Variants in FADS6 observed in about 807,000 individuals in gnomAD.
FADS6 encodes the protein fatty acid desaturase domain family, member 6.
In FADS6, 28 loss-of-function variants were observed where a neutral mutation model predicts 31.7. That is an observed-to-expected ratio of 0.88 (90% CI 0.66 to 1.21). FADS6 has a LOEUF of 1.21. Ranked by LOEUF, FADS6 falls within the 50% of genes most tolerant of loss-of-function variation. The pLI is 0.00. For synonymous variants in FADS6, 191 were observed against 213.1 expected (o/e 0.90, Z 0.90); for missense variants, 494 against 504.2 (o/e 0.98, Z 0.19).
chr17:74,879,595 A>G lies in FADS6; in HGVS notation c.781-12T>C. ...GGCAGTCCGATGTGCTGTGACAGACACGTGGGTCACGCCGGGCAGCCTGGA... is the reference window on the plus strand; with the variant it reads ...GGCAGTCCGATGTGCTGTGACAGACGCGTGGGTCACGCCGGGCAGCCTGGA... On this transcript the variant is annotated splice_polypyrimidine_tract_variant and intron_variant, in intron 4 of 5. Transcript: ENST00000612771. 6.2e-7 allele frequency: 1 copy of G among 1,605,780 alleles called. No individual in the cohort carries two copies. The highest frequency in any genetic ancestry group is 8.5e-7 in the Non-Finnish European group (1 of 1,175,532).
rs2038522359 is a variant in FADS6 at position 74,877,838 on chromosome 17, G to A, written c.*493C>T. 3.0e-6 allele frequency: 3 copies of A among 986,590 alleles called. No homozygotes were observed. The highest frequency in any genetic ancestry group is 4.7e-5 in the South Asian group (1 of 21,346). 61.1% of individuals were successfully genotyped at this position (986,590 alleles called of 1,614,324 possible). On this transcript the variant is annotated 3_prime_UTR_variant, in exon 6 of 6. Transcript: ENST00000612771. ...AGCAAGCTCACCCTAAGGTCCCCGG[G>A]GAGAGGGCACCTTGGTGGGCAGAGC... is the stretch of plus-strand genomic sequence containing the variant.
intron 3 of FADS6, among the ~76,000 whole-genome samples, chr17:74,881,731 T>TGAA (rs1202742030): frequency 9.8e-5 from 9 of 91,434 alleles, no homozygotes; most frequent in Middle Eastern, 5.4e-3. Context: ...AGCAAGACTC[T>TGAA]GAAAAAAAAA....
At position 74,877,856 on chromosome 17, in the gene FADS6, G is replaced by A; in HGVS notation, c.*475C>T. 1 of 987,230 alleles carries A rather than the reference G, an allele frequency of 1.0e-6. No homozygotes were observed. Among genetic ancestry groups the A allele is most frequent in the Non-Finnish European group, 1.2e-6 (1 of 831,254 alleles). The allele number at this position is 987,230 out of a possible 1,614,324, so 61.2% of individuals were successfully genotyped here. A position where few individuals can be genotyped will look rare whatever the true frequency, so the allele number is the denominator to read the frequency against. ...TCCCCGGGGAGAGGGCACCTTGGTG[G>A]GCAGAGCCTGAAGGAAGCAATAGCC... is the stretch of plus-strand genomic sequence containing the variant. On this transcript the variant is annotated 3_prime_UTR_variant, in exon 6 of 6. Coordinates refer to ENST00000612771, the MANE Select transcript of FADS6 (RefSeq NM_178128.6).
intron 2 of FADS6, among the ~76,000 whole-genome samples, chr17:74,886,022 G>A (rs919992209): frequency 2.0e-5 from 3 of 151,998 alleles, no homozygotes; most frequent in South Asian, 2.1e-4. Context: ...GGCGGATCAC[G>A]AGATCAGGAG....
intron 2 of FADS6, among the ~76,000 whole-genome samples, chr17:74,885,935 C>G (rs1268202023): frequency 6.6e-6 from 1 of 152,130 alleles, no homozygotes. Context: ...AGGCAGATCA[C>G]TTGAGGTCAA....
Position 74,889,819 on chromosome 17 carries a change from C to T in FADS6, c.411+2704G>A, listed in dbSNP as rs189227680. Reference sequence around the variant, plus strand: ...CCTGGAGGTGAAGGTTGCAGTGAGCCGAGACTGCATCATTGCACTGAAGCC... The same window carrying T: ...CCTGGAGGTGAAGGTTGCAGTGAGCTGAGACTGCATCATTGCACTGAAGCC... On this transcript the variant is annotated intron_variant, in intron 2 of 5. Transcript: ENST00000612771. Among the ~76,000 whole-genome samples the T allele has an allele frequency of 1.3e-3, 159 of 125,294 alleles. 1 individual carries two copies. The highest frequency in any genetic ancestry group is 4.3e-3 in the African/African-American group (142 of 32,742). 82.2% of individuals were successfully genotyped at this position (125,294 alleles called of 152,430 possible). A position where few individuals can be genotyped will look rare whatever the true frequency, so the allele number is the denominator to read the frequency against.
At chr17:74,887,311 C>T (rs1268993968) in intron 2 of FADS6, among the ~76,000 whole-genome samples, 2 of 152,196 alleles carry the variant, frequency 1.3e-5, no homozygotes, top group Non-Finnish European at 2.9e-5. Context: ...TCTCAAACTC[C>T]TGGGCTCAAG....
At position 74,877,966 on chromosome 17, in the gene FADS6, C is replaced by T; in HGVS notation, c.*365G>A. 1 of 1,014,876 alleles carries T rather than the reference C, an allele frequency of 9.9e-7. No homozygotes were observed. Among genetic ancestry groups the T allele is most frequent in the Non-Finnish European group, 1.2e-6 (1 of 849,594 alleles). The allele number at this position is 1,014,876 out of a possible 1,614,324, so 62.9% of individuals were successfully genotyped here. Reference sequence around the variant, plus strand: ...TCTCTCTGTGCCCCCTGCTATCTCCCAGGTGGCCCCTGCACAGGATCCCTC... The same window carrying T: ...TCTCTCTGTGCCCCCTGCTATCTCCTAGGTGGCCCCTGCACAGGATCCCTC... On this transcript the variant is annotated 3_prime_UTR_variant, in exon 6 of 6. Transcript: ENST00000612771.
intron 2 of FADS6, among the ~76,000 whole-genome samples, chr17:74,887,898 G>A (rs925073312): frequency 6.6e-6 from 1 of 152,088 alleles, no homozygotes; most frequent in Admixed American, 6.6e-5. Flanking sequence ...ATGTTGGCCA[G>A]GATGGTCTCT....
chr17:74,885,301 A>AC (rs1224378236), intron 2 of FADS6, among the ~76,000 whole-genome samples: 1 of 58,734 alleles, frequency 1.7e-5, no homozygotes. Context: ...TAAGAAAACC[A>AC]CAAAAAAAAA....
intron 5 of FADS6, 63 bp downstream of exon 5, chr17:74,879,341 A>G (rs778714048): frequency 1.3e-6 from 2 of 1,568,988 alleles, no homozygotes; most frequent in African/African-American, 2.7e-5. Flanking sequence ...AGGCCGAAGA[A>G]TCTTCCTTTC....
chr17:74,890,553 G>C (rs1298838670), intron 2 of FADS6, among the ~76,000 whole-genome samples: 1 of 152,168 alleles, frequency 6.6e-6, no homozygotes, highest in Non-Finnish European at 1.5e-5. Context: ...CCAGCTTCGA[G>C]GGGGCTTGCA....
At chr17:74,888,449 G>C (rs2038654433) in intron 2 of FADS6, among the ~76,000 whole-genome samples, 1 of 152,234 alleles carries the variant, frequency 6.6e-6, no homozygotes, top group Non-Finnish European at 1.5e-5. Context: ...CGTGGGAACA[G>C]GCAGAGAGAA....
At position 74,878,122 on chromosome 17, in the gene FADS6, CA is replaced by C; in HGVS notation, c.*208del. 7.1e-7 allele frequency: 1 copy of C among 1,413,112 alleles called. No homozygotes were observed. The allele number at this position is 1,413,112 out of a possible 1,614,324, so 87.5% of individuals were successfully genotyped here. ...GAATGCACAGCCACCATTACCGCTT[CA>C]CCCAGACACCCCTCAAAACCCAGAA... On this transcript the variant is annotated 3_prime_UTR_variant, in exon 6 of 6. Transcript: ENST00000612771.
At chr17:74,882,307 G>A (rs768978904) in intron 3 of FADS6, among the ~76,000 whole-genome samples, 4 of 152,174 alleles carry the variant, frequency 2.6e-5, no homozygotes, top group Non-Finnish European at 5.9e-5. Context: ...TACAGGACCC[G>A]AGGCTCAGAC....
At chr17:74,875,003 CTT>C (rs1351951539), downstream of FADS6, among the ~76,000 whole-genome samples, 2 of 152,186 alleles carry the variant, frequency 1.3e-5, no homozygotes, top group Non-Finnish European at 2.9e-5. Context: ...AGTCTCAGCT[CTT>C]ATACCCCCAG....
chr17:74,889,928 C>A (rs2038670618), intron 2 of FADS6, among the ~76,000 whole-genome samples: 1 of 147,040 alleles, frequency 6.8e-6, no homozygotes, highest in Admixed American at 6.8e-5. Flanking sequence ...CCTTTCCTTG[C>A]AGCTGACCAC....
intron 1 of FADS6, 39 bp downstream of exon 1, chr17:74,893,313 C>T: frequency 6.7e-7 from 1 of 1,492,924 alleles, no homozygotes; most frequent in Non-Finnish European, 8.9e-7. Context: ...CGCCCCCACC[C>T]GCAGCCCGGC....
chr17:74,892,637 G>C lies in FADS6; in HGVS notation c.297C>G (p.Thr99=). 1 of 1,613,392 alleles carries C rather than the reference G, an allele frequency of 6.2e-7. No individual in the cohort carries two copies. The highest frequency in any genetic ancestry group is 8.5e-7 in the Non-Finnish European group (1 of 1,179,622). Residue 99 remains threonine (T), a synonymous_variant, in exon 2 of 6, where the codon ACC becomes ACG. Coordinates refer to ENST00000612771, the MANE Select transcript of FADS6 (RefSeq NM_178128.6). ...ENALVFASGI[T]ILGVCHYTLT... is the part of the protein sequence containing the mutation. ...GTGTGTAGTGGCACACACCCAAGAT[G>C]GTGATGCCGGATGCAAAGACCAGGG...
Sources: allele counts gnomAD v4.1 joint callset (sites outside exome capture counted in the v4.1 genomes callset), GRCh38; gene constraint gnomAD v4.1.1; transcripts MANE v1.5; gene names NCBI Gene and HGNC (gene_info 2026-07-23, HGNC 2026-07-21).